Variants in ARHGAP28 observed in about 807,000 individuals in gnomAD.
ARHGAP28 encodes the protein rho GTPase-activating protein 28.
A neutral mutation model predicts 90.7 loss-of-function variants in ARHGAP28; 56 were observed. The observed-to-expected ratio is 0.62, with a 90% confidence interval of 0.50 to 0.77. The LOEUF is 0.77. ARHGAP28 is among the 30% of genes least tolerant of loss of function. The pLI, the probability that ARHGAP28 is intolerant of heterozygous loss-of-function variation, is 0.00. For synonymous variants in ARHGAP28, 308 were observed against 323.3 expected (o/e 0.95, Z 0.51); for missense variants, 869 against 900.9 (o/e 0.96, Z 0.45).
At chr18:6,857,727 T>G (rs2056965017) in intron 4 of ARHGAP28, among the ~76,000 whole-genome samples, 1 of 152,214 alleles carries the variant, frequency 6.6e-6, no homozygotes, top group Admixed American at 6.5e-5. Flanking sequence ...GTGAAAGGTG[T>G]TCTGCAAGGC....
chr18:6,905,894 AC>A (rs1222678356), intron 16 of ARHGAP28, among the ~76,000 whole-genome samples: 2 of 152,116 alleles, frequency 1.3e-5, no homozygotes, highest in African/African-American at 4.8e-5. Flanking sequence ...ATTAAAGAAG[AC>A]CTAAAGAAAT....
chr18:6,823,095 G>A (rs2056636807), intron 1 of ARHGAP28, among the ~76,000 whole-genome samples: 4 of 152,134 alleles, frequency 2.6e-5, no homozygotes, highest in South Asian at 4.1e-4. Flanking sequence ...TATTGCTTAA[G>A]AGTTAGTCTT....
chr18:6,839,478 T>C (rs1209410679), intron 3 of ARHGAP28, among the ~76,000 whole-genome samples: 1 of 152,006 alleles, frequency 6.6e-6, no homozygotes, highest in East Asian at 1.9e-4. Flanking sequence ...TTTCTATTTG[T>C]AGTAGAGACA....
intron 1 of ARHGAP28, among the ~76,000 whole-genome samples, chr18:6,803,246 G>T (rs999012671): frequency 1.3e-5 from 2 of 152,082 alleles, no homozygotes; most frequent in Non-Finnish European, 2.9e-5. Flanking sequence ...ATAGGTTGAG[G>T]TAGTACCCTT....
At chr18:6,886,132 T>C (rs2057219385) in intron 11 of ARHGAP28, among the ~76,000 whole-genome samples, 2 of 152,186 alleles carry the variant, frequency 1.3e-5, no homozygotes, top group South Asian at 4.1e-4. Flanking sequence ...TCCAGTAACC[T>C]ACTAGCTTGT....
chr18:6,881,870 C>T (rs900302595), intron 10 of ARHGAP28, among the ~76,000 whole-genome samples: 2 of 152,110 alleles, frequency 1.3e-5, no homozygotes, highest in Non-Finnish European at 2.9e-5. Flanking sequence ...AAACTGTGAT[C>T]AGAGTAGAGA....
chr18:6,770,410 G>A (rs953411340), intron 1 of ARHGAP28, among the ~76,000 whole-genome samples: 4 of 152,146 alleles, frequency 2.6e-5, no homozygotes, highest in African/African-American at 7.2e-5. Context: ...AAAGCTGACC[G>A]GTGCATTGGC....
At chr18:6,824,682 A>G (rs898517204) in intron 1 of ARHGAP28, 80 bp from the exon 2 acceptor site, 19 of 1,224,732 alleles carry the variant, frequency 1.6e-5, no homozygotes, top group African/African-American at 1.4e-4. Context: ...AATTAATTAA[A>G]CTTAATTAAA....
intron 3 of ARHGAP28, among the ~76,000 whole-genome samples, chr18:6,837,799 T>TG (rs2143862239): frequency 6.6e-6 from 1 of 151,894 alleles, no homozygotes; most frequent in East Asian, 1.9e-4. Flanking sequence ...TTTGGTTGAA[T>TG]GGGGGGTGGG....
At chr18:6,848,673 C>G (rs768596965) in intron 3 of ARHGAP28, among the ~76,000 whole-genome samples, 1 of 152,116 alleles carries the variant, frequency 6.6e-6, no homozygotes, top group Non-Finnish European at 1.5e-5. Flanking sequence ...GCGTTTGTCT[C>G]CCCTTGGCTG....
intron 1 of ARHGAP28, among the ~76,000 whole-genome samples, chr18:6,763,081 G>GTTGTTTGTTTGT (rs57953826): frequency 1.1e-4 from 17 of 151,448 alleles, no homozygotes; most frequent in Non-Finnish European, 1.8e-4. Context: ...GAGAGGGATG[G>GTTGTTTGTTTGT]TTGTTTGTTT....
rs1159425221 is a variant in ARHGAP28, at chr18:6,841,185, CTCTCT to C, written c.543+3772_543+3776del. ...TCTCTCTCCTCTCTCTCTCTCCTCT[CTCTCT>C]CTCTCTCTCTCTCCTCTCCTCTCTC... is the stretch of plus-strand genomic sequence containing the variant. On this transcript the variant is annotated intron_variant, in intron 3 of 17. Transcript: ENST00000383472. 2.2e-3 allele frequency among the ~76,000 whole-genome samples: 127 copies of C among 56,484 alleles called. 1 individual carries two copies. Among genetic ancestry groups the C allele is most frequent in the Middle Eastern group, 6.3e-3 (1 of 158 alleles). 37.1% of individuals were successfully genotyped at this position (56,484 alleles called of 152,430 possible).
chr18:6,765,175 C>G (rs1014360600), intron 1 of ARHGAP28, among the ~76,000 whole-genome samples: 1 of 152,188 alleles, frequency 6.6e-6, no homozygotes, highest in Non-Finnish European at 1.5e-5. Flanking sequence ...TGGCTTCTTA[C>G]AATGAATTGA....
intron 1 of ARHGAP28, among the ~76,000 whole-genome samples, chr18:6,755,412 G>A (rs1259589833): frequency 6.6e-6 from 1 of 152,110 alleles, no homozygotes; most frequent in African/African-American, 2.4e-5. Flanking sequence ...TTTGGCAAAA[G>A]GACTAGAGGG....
chr18:6,836,447 G>C lies in ARHGAP28; in HGVS notation c.326-750G>C, dbSNP rs546090551. Among the ~76,000 whole-genome samples, 7 of 152,252 alleles carry C rather than the reference G, an allele frequency of 4.6e-5. No individual in the cohort carries two copies. In the South Asian group the frequency reaches 1.5e-3, roughly 32 times the overall value. On this transcript the variant is annotated intron_variant, in intron 2 of 17. Coordinates refer to ENST00000383472, the MANE Select transcript of ARHGAP28 (RefSeq NM_001366230.1). ...TTTAGAGCAAGCAGGGAGTCGCTCT[G>C]TGACTGAGATGTGGTCACTGCACCT...
At chr18:6,893,198 A>T (rs933899969) in intron 14 of ARHGAP28, among the ~76,000 whole-genome samples, 1 of 152,180 alleles carries the variant, frequency 6.6e-6, no homozygotes, top group Non-Finnish European at 1.5e-5. Flanking sequence ...AGGTAAAGGC[A>T]AGCCTTTTGA....
chr18:6,841,157 TTCTCTCTCTCC>T lies in ARHGAP28; in HGVS notation c.543+3754_543+3764del, dbSNP rs1375055582. Reference sequence around the variant, plus strand: ...TCCTCTCTCACTGTCTCTCTCCTCTTTCTCTCTCTCCTCTCTCTCTCTCCTCTCTCTCTCTC... The same window carrying T: ...TCCTCTCTCACTGTCTCTCTCCTCTTTCTCTCTCTCTCCTCTCTCTCTCTC... On this transcript the variant is annotated intron_variant, in intron 3 of 17. Transcript: ENST00000383472. 2.5e-3 allele frequency among the ~76,000 whole-genome samples: 179 copies of T among 70,272 alleles called. 2 individuals carry two copies. Among genetic ancestry groups the T allele is most frequent in the African/African-American group, 0.01 (169 of 16,518 alleles). 46.1% of individuals were successfully genotyped at this position (70,272 alleles called of 152,430 possible). A position where few individuals can be genotyped will look rare whatever the true frequency, so the allele number is the denominator to read the frequency against.
chr18:6,768,922 T>C (rs987007322), intron 1 of ARHGAP28, among the ~76,000 whole-genome samples: 1 of 152,158 alleles, frequency 6.6e-6, no homozygotes, highest in Non-Finnish European at 1.5e-5. Flanking sequence ...CTTCCTCTTA[T>C]CCAATGTCTA....
intron 1 of ARHGAP28, among the ~76,000 whole-genome samples, chr18:6,773,444 G>T (rs572934482): frequency 6.6e-6 from 1 of 152,264 alleles, no homozygotes; most frequent in African/African-American, 2.4e-5. Flanking sequence ...CCAAGTATAG[G>T]GTCTTTTACA....
Sources: gnomAD v4.1 joint callset for allele counts (sites outside exome capture counted in the v4.1 genomes callset) on GRCh38, gnomAD v4.1.1 for gene constraint, MANE v1.5 for transcripts, NCBI Gene and HGNC (gene_info 2026-07-23, HGNC 2026-07-21) for gene names.